Variants in PCDHA10 observed in about 807,000 individuals in gnomAD.
PCDHA10 encodes protocadherin alpha-10.
In PCDHA10, 45 loss-of-function variants were observed where a neutral mutation model predicts 61.2. The observed-to-expected ratio is 0.74, with a 90% confidence interval of 0.58 to 0.94. The LOEUF is 0.94. PCDHA10 is among the 40% of genes least tolerant of loss of function. The probability of loss-of-function intolerance (pLI) is 0.00; values close to 1 mark genes in which losing one functional copy is unlikely to be tolerated. For missense variants in PCDHA10, 1,278 were observed against 1,236.2 expected (o/e 1.03, Z -0.51); for synonymous variants, 602 against 548.8 (o/e 1.10, Z -1.35).
chr5:140,998,565 A>G, intron 3 of PCDHA10, among the ~76,000 whole-genome samples: 1 of 113,790 alleles, frequency 8.8e-6, no homozygotes. Context: ...TTTATTGTAA[A>G]TAAGTTTTTT....
intron 3 of PCDHA10, among the ~76,000 whole-genome samples, chr5:140,994,729 A>G (rs1382639837): frequency 6.6e-6 from 1 of 152,180 alleles, no homozygotes; most frequent in Non-Finnish European, 1.5e-5. Flanking sequence ...AATACTGGGT[A>G]TTGCAGGATG....
intron 1 of PCDHA10, chr5:140,966,888 C>T: frequency 1.9e-6 from 3 of 1,593,128 alleles, no homozygotes; most frequent in Non-Finnish European, 2.6e-6. Flanking sequence ...GGCCCTGCGG[C>T]CTCCCAGCTG....
At chr5:140,940,055 C>G (rs1179353318) in intron 1 of PCDHA10, among the ~76,000 whole-genome samples, 1 of 152,064 alleles carries the variant, frequency 6.6e-6, no homozygotes, top group Non-Finnish European at 1.5e-5. Context: ...GATTCTTAAC[C>G]AAATATAAAT....
At chr5:140,998,247 T>C (rs2097802911) in intron 3 of PCDHA10, among the ~76,000 whole-genome samples, 1 of 152,216 alleles carries the variant, frequency 6.6e-6, no homozygotes, top group Non-Finnish European at 1.5e-5. Flanking sequence ...ATTATACTCA[T>C]TTTACTGCTA....
intron 1 of PCDHA10, among the ~76,000 whole-genome samples, chr5:140,872,375 C>A (rs2053630195): frequency 6.6e-6 from 1 of 152,002 alleles, no homozygotes; most frequent in Admixed American, 6.6e-5. Flanking sequence ...GCCTGTAATC[C>A]CAGCTATTTG....
At chr5:140,875,474 T>A in intron 1 of PCDHA10, 2 of 1,606,582 alleles carry the variant, frequency 1.2e-6, no homozygotes, top group Non-Finnish European at 1.7e-6. Flanking sequence ...TTTTCTGCAA[T>A]GGTGATTATC....
intron 1 of PCDHA10, among the ~76,000 whole-genome samples, chr5:140,971,541 G>A (rs544682624): frequency 6.6e-6 from 1 of 152,172 alleles, no homozygotes; most frequent in Non-Finnish European, 1.5e-5. Context: ...ATCATTGCCA[G>A]ATCAACCTGT....
intron 1 of PCDHA10, chr5:140,969,110 C>G (rs1380719565): frequency 2.5e-6 from 4 of 1,614,064 alleles, no homozygotes; most frequent in South Asian, 2.2e-5. Context: ...CATTGAAGTT[C>G]GAGGGAATGG....
intron 1 of PCDHA10, chr5:140,867,317 CTAA>C (rs1554161223): frequency 6.6e-6 from 1 of 151,956 alleles, no homozygotes; most frequent in African/African-American, 2.4e-5. Flanking sequence ...GTCATCTGGT[CTAA>C]TGTTATGTTT....
At chr5:140,869,412 C>T (rs1164802929) in intron 1 of PCDHA10, 3 of 1,614,078 alleles carry the variant, frequency 1.9e-6, no homozygotes, top group Admixed American at 1.7e-5. Flanking sequence ...CGGAGTGCAG[C>T]ATCCACCTGG....
chr5:140,933,159 A>G (rs565076666), intron 1 of PCDHA10, among the ~76,000 whole-genome samples: 67 of 152,098 alleles, frequency 4.4e-4, no homozygotes, highest in African/African-American at 1.3e-3. Flanking sequence ...TTTGTTCCCA[A>G]TTTTAATTGA....
chr5:140,953,522 G>A (rs246031), intron 1 of PCDHA10, among the ~76,000 whole-genome samples: 85,599 of 151,862 alleles, frequency 0.56, 24,738 homozygotes, highest in African/African-American at 0.69. Flanking sequence ...CAACAAAAAC[G>A]GGAAACTCAC....
intron 1 of PCDHA10, among the ~76,000 whole-genome samples, chr5:140,955,006 C>G (rs1304080416): frequency 6.6e-6 from 1 of 152,154 alleles, no homozygotes; most frequent in African/African-American, 2.4e-5. Flanking sequence ...AGCCAATTCT[C>G]CCAGCACCAT....
chr5:140,891,281 G>A (rs1554184772), intron 1 of PCDHA10, among the ~76,000 whole-genome samples: 2 of 151,886 alleles, frequency 1.3e-5, no homozygotes, highest in African/African-American at 4.8e-5. Context: ...GTAAGTTATT[G>A]GGGGTACAGG....
At chr5:140,883,313 G>A (rs1469839417) in intron 1 of PCDHA10, 2 of 1,614,000 alleles carry the variant, frequency 1.2e-6, no homozygotes, top group African/African-American at 2.7e-5. Flanking sequence ...TAACGCCCCA[G>A]AGGTTACCAT....
intron 1 of PCDHA10, among the ~76,000 whole-genome samples, chr5:140,958,131 G>A (rs1164407997): frequency 3.9e-5 from 6 of 152,076 alleles, no homozygotes; most frequent in African/African-American, 1.4e-4. Context: ...AAATGTATCA[G>A]TGTGTATATT....
intron 3 of PCDHA10, among the ~76,000 whole-genome samples, chr5:141,008,968 T>C (rs1241825350): frequency 6.6e-6 from 1 of 152,256 alleles, no homozygotes; most frequent in Non-Finnish European, 1.5e-5. Flanking sequence ...AATACATTTA[T>C]AGCCAAAGTT....
intron 1 of PCDHA10, among the ~76,000 whole-genome samples, chr5:140,896,652 C>T (rs1393897195): frequency 2.6e-5 from 4 of 152,018 alleles, no homozygotes; most frequent in African/African-American, 9.7e-5. Flanking sequence ...GCTAGTATTA[C>T]AGGCATGAGT....
chr5:141,002,135 G>A (rs1265359430), intron 3 of PCDHA10, among the ~76,000 whole-genome samples: 1 of 152,236 alleles, frequency 6.6e-6, no homozygotes, highest in African/African-American at 2.4e-5. Flanking sequence ...AGCCTTTGCC[G>A]GCTGCACTGA....
Sources: allele counts gnomAD v4.1 joint callset (sites outside exome capture counted in the v4.1 genomes callset), GRCh38; gene constraint gnomAD v4.1.1; transcripts MANE v1.5; gene names NCBI Gene and HGNC (gene_info 2026-07-23, HGNC 2026-07-21).